The following DENND2A variants were observed in gnomAD, a reference collection of about 807,000 sequenced individuals.
DENND2A encodes the protein DENN domain-containing protein 2A.
A neutral mutation model predicts 105.3 loss-of-function variants in DENND2A; 53 were observed. The observed-to-expected ratio is 0.50, with a 90% CI of 0.40 to 0.63. The LOEUF is 0.63. Among genes scored for constraint, DENND2A ranks in the 30% least tolerant of loss-of-function variants. The probability of loss-of-function intolerance (pLI) is 0.00; values close to 1 mark genes in which losing one functional copy is unlikely to be tolerated. For missense variants in DENND2A, 1,138 were observed against 1,279.6 expected (o/e 0.89, Z 1.69); for synonymous variants, 522 against 508.4 (o/e 1.03, Z -0.36).
chr7:140,562,839 T>A (rs189782956), intron 9 of DENND2A, among the ~76,000 whole-genome samples: 139 of 152,340 alleles, frequency 9.1e-4, no homozygotes, highest in Middle Eastern at 3.4e-3. Context: ...GTTGTTCTTC[T>A]TCAGAATAAA....
chr7:140,533,968 C>A (rs910872750), intron 14 of DENND2A, among the ~76,000 whole-genome samples: 36 of 152,076 alleles, frequency 2.4e-4, no homozygotes, highest in Non-Finnish European at 5.0e-4. Flanking sequence ...GACTGGAGTG[C>A]AGTGGCACGA....
chr7:140,615,536 T>TTTC (rs997985572), intron 1 of DENND2A, among the ~76,000 whole-genome samples: 4 of 151,664 alleles, frequency 2.6e-5, no homozygotes, highest in African/African-American at 9.7e-5. Flanking sequence ...GTTCTGCTTT[T>TTTC]TTTTTTTTTT....
At chr7:140,532,314 A>G (rs1053428736) in intron 14 of DENND2A, among the ~76,000 whole-genome samples, 3 of 152,170 alleles carry the variant, frequency 2.0e-5, no homozygotes, top group African/African-American at 7.2e-5. Flanking sequence ...GCATGAAGGT[A>G]TTTTGCATGA....
intron 12 of DENND2A, among the ~76,000 whole-genome samples, chr7:140,549,093 A>T (rs1418128603): frequency 6.6e-6 from 1 of 151,548 alleles, no homozygotes; most frequent in Non-Finnish European, 1.5e-5. Context: ...GGCAGGCTAT[A>T]TTCCCAGATA....
intron 1 of DENND2A, among the ~76,000 whole-genome samples, chr7:140,638,415 C>A (rs1360735190): frequency 6.6e-6 from 1 of 152,190 alleles, no homozygotes; most frequent in African/African-American, 2.4e-5. Flanking sequence ...GTCACCAGGT[C>A]CTGCCTCTTG....
chr7:140,610,789 C>G (rs1247058990), intron 1 of DENND2A, among the ~76,000 whole-genome samples: 1 of 152,176 alleles, frequency 6.6e-6, no homozygotes, highest in Non-Finnish European at 1.5e-5. Context: ...GGAGGAGGAC[C>G]AAGAGAAGCG....
chr7:140,539,717 A>G (rs1336819572), intron 14 of DENND2A, among the ~76,000 whole-genome samples: 1 of 152,258 alleles, frequency 6.6e-6, no homozygotes, highest in Admixed American at 6.5e-5. Context: ...GGCGCCCGGC[A>G]CAGAGGCCGC....
chr7:140,614,062 G>T (rs1259302860), intron 1 of DENND2A, among the ~76,000 whole-genome samples: 1 of 151,794 alleles, frequency 6.6e-6, no homozygotes, highest in African/African-American at 2.4e-5. Context: ...AGTCCTCAAA[G>T]CCTCTTTGGA....
Position 140,631,232 on chromosome 7 carries a change from CG to C in DENND2A, c.-248+9271del, listed in dbSNP as rs547937096. Among the ~76,000 whole-genome samples, 119 of 152,234 alleles carry C rather than the reference CG, an allele frequency of 7.8e-4. 1 individual carries two copies. The highest frequency in any genetic ancestry group is 2.9e-3 in the African/African-American group (119 of 41,548). ...ATGGATAGGAATAGAAGCCAGATTTCGGGGGTGTGGGGAAGGAACATGTGGA... is the reference window on the plus strand; with the variant it reads ...ATGGATAGGAATAGAAGCCAGATTTCGGGGTGTGGGGAAGGAACATGTGGA... On this transcript the variant is annotated intron_variant, in intron 1 of 19. Transcript: ENST00000496613.
intron 1 of DENND2A, among the ~76,000 whole-genome samples, chr7:140,628,936 G>T (rs1426471355): frequency 6.6e-6 from 1 of 152,126 alleles, no homozygotes; most frequent in Non-Finnish European, 1.5e-5. Flanking sequence ...TCTTTGAGGT[G>T]CTATTGGGAA....
At chr7:140,598,938 A>T (rs753999277) in intron 3 of DENND2A, among the ~76,000 whole-genome samples, 16 of 151,382 alleles carry the variant, frequency 1.1e-4, no homozygotes, top group Non-Finnish European at 1.9e-4. Context: ...AGTGATTATT[A>T]TTTTTTTTTG....
intron 1 of DENND2A, among the ~76,000 whole-genome samples, chr7:140,623,721 A>G (rs1172297695): frequency 1.7e-5 from 1 of 57,814 alleles, no homozygotes; most frequent in African/African-American, 9.9e-5. Flanking sequence ...CTCCGTCTAG[A>G]AAAAAAAAAA....
In DENND2A at chr7:140,559,625, C is replaced by A; in HGVS notation, c.1889+83G>T. The A allele has an allele frequency of 1.0e-6, 1 of 967,650 alleles. No individual in the cohort carries two copies. Among genetic ancestry groups the A allele is most frequent in the Non-Finnish European group, 1.6e-6 (1 of 612,408 alleles). The allele number at this position is 967,650 out of a possible 1,614,324, so 59.9% of individuals were successfully genotyped here. ...CAGGATTACTTAACGGTGGGAATGA[C>A]TCATGTGGTCTGCCACCTGTAACCC... On this transcript the variant is annotated intron_variant, in intron 10 of 19. Transcript: ENST00000496613. The surrounding 1 kb of genome is among the most constrained non-coding windows in gnomAD (Gnocchi z 4.1).
intron 14 of DENND2A, among the ~76,000 whole-genome samples, chr7:140,528,026 C>T (rs955434103): frequency 1.3e-5 from 2 of 151,658 alleles, no homozygotes; most frequent in East Asian, 1.9e-4. Flanking sequence ...TTTTTAGTAG[C>T]GATGGGGTTT....
rs116548109 is a variant in DENND2A at position 140,607,975 on chromosome 7, T to C, written c.-247-2169A>G. Among the ~76,000 whole-genome samples, 1,399 of 152,210 alleles carry C rather than the reference T, an allele frequency of 9.2e-3. 19 individuals are homozygous for C. Among genetic ancestry groups the C allele is most frequent in the African/African-American group, 0.032 (1,314 of 41,516 alleles). On this transcript the variant is annotated intron_variant, in intron 1 of 19. Coordinates refer to ENST00000496613, the MANE Select transcript of DENND2A (RefSeq NM_015689.5). ...CACCAGGGCTGTGCCTGGGTCACAATCAATCCTGTAACTCCCCCCATGCCC... is the reference window on the plus strand; with the variant it reads ...CACCAGGGCTGTGCCTGGGTCACAACCAATCCTGTAACTCCCCCCATGCCC...
At chr7:140,584,381 A>G (rs1563158528) in intron 5 of DENND2A, among the ~76,000 whole-genome samples, 1 of 152,238 alleles carries the variant, frequency 6.6e-6, no homozygotes, top group Non-Finnish European at 1.5e-5. Context: ...TGGCCCACAC[A>G]GCCCCAAATA....
At chr7:140,598,400 G>A (rs1195666543) in intron 3 of DENND2A, among the ~76,000 whole-genome samples, 1 of 152,176 alleles carries the variant, frequency 6.6e-6, no homozygotes, top group Non-Finnish European at 1.5e-5. Context: ...TAAAGTTAGG[G>A]GCGAAGTAAG....
At chr7:140,569,875 TG>T (rs1370368817) in intron 6 of DENND2A, 137 bp from the exon 7 acceptor site, 1 of 655,124 alleles carries the variant, frequency 1.5e-6, no homozygotes, top group East Asian at 2.6e-5. Flanking sequence ...CATGGGCTCA[TG>T]GGTGTCTTTC....
chr7:140,575,731 G>A (rs1311472777), intron 5 of DENND2A, among the ~76,000 whole-genome samples: 1 of 152,160 alleles, frequency 6.6e-6, no homozygotes, highest in Non-Finnish European at 1.5e-5. Flanking sequence ...ACTTTGGGAG[G>A]CTGAGGTGGG....
Sources: allele counts gnomAD v4.1 joint callset (sites outside exome capture counted in the v4.1 genomes callset), GRCh38; gene constraint gnomAD v4.1.1; non-coding constraint Gnocchi (gnomAD v3.1); transcripts MANE v1.5; gene names NCBI Gene and HGNC (gene_info 2026-07-23, HGNC 2026-07-21).